The following NCKAP5 variants were observed in gnomAD, a reference collection of about 807,000 sequenced individuals.
NCKAP5 encodes the protein NCK associated protein 5, also known as nck-associated protein 5.
In NCKAP5, 92 loss-of-function variants were observed where a neutral mutation model predicts 167.0. The observed-to-expected ratio is 0.55, with a 90% CI of 0.47 to 0.66. The LOEUF is 0.66. NCKAP5 is among the 30% of genes least tolerant of loss of function. The probability of loss-of-function intolerance (pLI) is 0.00; values close to 1 mark genes in which losing one functional copy is unlikely to be tolerated. For missense variants in NCKAP5, 2,378 were observed against 2,315.0 expected (o/e 1.03, Z -0.56); for synonymous variants, 891 against 877.4 (o/e 1.02, Z -0.27).
the NCKAP5 span, among the ~76,000 whole-genome samples, chr2:133,667,527 A>G: frequency 6.6e-6 from 1 of 151,982 alleles, no homozygotes; most frequent in Non-Finnish European, 1.5e-5. Context: ...CTGATTCCCT[A>G]TCCTAACTAA....
chr2:133,614,875 T>C, the NCKAP5 span, among the ~76,000 whole-genome samples: 5 of 151,918 alleles, frequency 3.3e-5, no homozygotes, highest in African/African-American at 4.8e-5. Context: ...AAATGAAGGA[T>C]AAAATGTTAA....
intron 3 of NCKAP5, among the ~76,000 whole-genome samples, chr2:133,423,211 A>C (rs959014119): frequency 1.3e-5 from 2 of 152,204 alleles, no homozygotes; most frequent in African/African-American, 4.8e-5. Flanking sequence ...GACAAATACT[A>C]ACTGACATTG....
chr2:133,510,743 T>C (rs550215587), intron 3 of NCKAP5, among the ~76,000 whole-genome samples: 4 of 152,224 alleles, frequency 2.6e-5, no homozygotes, highest in Non-Finnish European at 5.9e-5. Flanking sequence ...AGCAATTTTC[T>C]GCTTCAGAGC....
chr2:133,483,280 G>A (rs957055673), intron 3 of NCKAP5, among the ~76,000 whole-genome samples: 1 of 152,068 alleles, frequency 6.6e-6, no homozygotes, highest in African/African-American at 2.4e-5. Flanking sequence ...TTAATCTGTT[G>A]TATCTTTTAC....
chr2:133,352,593 AC>A (rs1275737647), intron 3 of NCKAP5, among the ~76,000 whole-genome samples: 1 of 152,158 alleles, frequency 6.6e-6, no homozygotes, highest in Non-Finnish European at 1.5e-5. Context: ...GGCTAAACAG[AC>A]TTGACCCTGA....
At chr2:133,252,068 G>A (rs2088370007) in intron 4 of NCKAP5, among the ~76,000 whole-genome samples, 1 of 152,190 alleles carries the variant, frequency 6.6e-6, no homozygotes, top group South Asian at 2.1e-4. Context: ...AATTGGAACT[G>A]CATAAGGTAA....
intron 3 of NCKAP5, among the ~76,000 whole-genome samples, chr2:133,423,595 G>T (rs1689616566): frequency 6.6e-6 from 1 of 152,166 alleles, no homozygotes; most frequent in Admixed American, 6.5e-5. Flanking sequence ...AATTAGAATG[G>T]ATGTTTGACA....
chr2:133,642,516 G>A, the NCKAP5 span, among the ~76,000 whole-genome samples: 1 of 152,164 alleles, frequency 6.6e-6, no homozygotes, highest in Non-Finnish European at 1.5e-5. Flanking sequence ...CAGCCAGATG[G>A]GAGGGGAAGG....
At chr2:133,365,647 A>G (rs1685412072) in intron 3 of NCKAP5, among the ~76,000 whole-genome samples, 2 of 152,232 alleles carry the variant, frequency 1.3e-5, no homozygotes, top group South Asian at 4.1e-4. Context: ...CTGCTCAGCT[A>G]TAGTCAATTT....
At position 133,526,572 on chromosome 2, in the gene NCKAP5, T is replaced by C. The variant is rs146236103; in HGVS notation, c.-61-8985A>G. Among the ~76,000 whole-genome samples, 346 of 152,252 alleles carry C rather than the reference T, an allele frequency of 2.3e-3. 5 individuals carry two copies. The highest frequency in any genetic ancestry group is 7.6e-3 in the African/African-American group (317 of 41,548). Reference sequence around the variant, plus strand: ...ACACAAACTATTGCTACATCTTCAATGTATGAACTAAGAATGAAGAAACAG... The same window carrying C: ...ACACAAACTATTGCTACATCTTCAACGTATGAACTAAGAATGAAGAAACAG... On this transcript the variant is annotated intron_variant, in intron 2 of 19. Transcript: ENST00000409261.
intron 19 of NCKAP5, among the ~76,000 whole-genome samples, chr2:132,682,632 T>C (rs533901813): frequency 6.6e-6 from 1 of 152,342 alleles, no homozygotes; most frequent in African/African-American, 2.4e-5. Flanking sequence ...TTTGGTCTAA[T>C]AATGGCACCT....
intron 2 of NCKAP5, among the ~76,000 whole-genome samples, chr2:133,528,241 C>T (rs1024518166): frequency 6.6e-6 from 1 of 152,098 alleles, no homozygotes. Flanking sequence ...TGTATATACA[C>T]ACACATATAG....
At chr2:133,418,741 C>T (rs1559469671) in intron 3 of NCKAP5, among the ~76,000 whole-genome samples, 1 of 152,128 alleles carries the variant, frequency 6.6e-6, no homozygotes, top group Non-Finnish European at 1.5e-5. Context: ...AACGTTTCTC[C>T]ATGAAATCTT....
intron 19 of NCKAP5, among the ~76,000 whole-genome samples, chr2:132,686,477 C>A (rs934499161): frequency 6.6e-6 from 1 of 152,192 alleles, no homozygotes; most frequent in Non-Finnish European, 1.5e-5. Flanking sequence ...TGGGTATTTA[C>A]TGTGTATATC....
intron 8 of NCKAP5, among the ~76,000 whole-genome samples, chr2:132,920,731 A>AG (rs1695292237): frequency 1.3e-4 from 12 of 94,144 alleles, no homozygotes; most frequent in African/African-American, 6.3e-4. Context: ...ATATATATAT[A>AG]TGTATATATA....
chr2:133,138,374 T>A (rs931245166), intron 5 of NCKAP5, among the ~76,000 whole-genome samples: 2 of 152,152 alleles, frequency 1.3e-5, no homozygotes, highest in Non-Finnish European at 2.9e-5. Flanking sequence ...TTATTATTTA[T>A]CAACTAGGGC....
At chr2:133,449,093 C>T (rs1309940355) in intron 3 of NCKAP5, among the ~76,000 whole-genome samples, 1 of 152,178 alleles carries the variant, frequency 6.6e-6, no homozygotes, top group Non-Finnish European at 1.5e-5. Context: ...TGGCACTTAT[C>T]ATATTGTATA....
At chr2:132,688,940 G>A (rs1317334506) in intron 19 of NCKAP5, among the ~76,000 whole-genome samples, 1 of 144,364 alleles carries the variant, frequency 6.9e-6, no homozygotes, top group Non-Finnish European at 1.5e-5. Flanking sequence ...GAGCCGTGAT[G>A]GCACCACTGT....
intron 16 of NCKAP5, among the ~76,000 whole-genome samples, chr2:132,769,335 C>A (rs986502182): frequency 6.6e-6 from 1 of 152,142 alleles, no homozygotes; most frequent in African/African-American, 2.4e-5. Flanking sequence ...TGCAAACATT[C>A]AGATTCACAA....
Sources: allele counts gnomAD v4.1 joint callset (sites outside exome capture counted in the v4.1 genomes callset), GRCh38; gene constraint gnomAD v4.1.1; transcripts MANE v1.5; gene names NCBI Gene and HGNC (gene_info 2026-07-23, HGNC 2026-07-21).